The following CRACD variants were observed in gnomAD, a reference collection of about 807,000 sequenced individuals.
CRACD encodes the protein capping protein inhibiting regulator of actin dynamics, also known as capping protein-inhibiting regulator of actin dynamics.
A neutral mutation model predicts 106.8 loss-of-function variants in CRACD; 56 were observed. The ratio of observed to expected loss-of-function variants is 0.52; its 90% confidence interval spans 0.42 to 0.66. The LOEUF is 0.66. Among genes scored for constraint, CRACD ranks in the 30% least tolerant of loss-of-function variants. The pLI is 0.00. For synonymous variants in CRACD, 754 were observed against 670.8 expected (o/e 1.12, Z -1.92); for missense variants, 1,730 against 1,623.2 (o/e 1.07, Z -1.13).
chr4:56,257,000 A>G (rs560024787), intron 2 of CRACD, among the ~76,000 whole-genome samples: 1 of 152,300 alleles, frequency 6.6e-6, no homozygotes, highest in Middle Eastern at 3.4e-3. Context: ...CTTTGAGGCA[A>G]TAAGATACAT....
intron 1 of CRACD, among the ~76,000 whole-genome samples, chr4:56,082,213 C>T (rs1007425555): frequency 2.8e-4 from 43 of 152,076 alleles, no homozygotes; most frequent in African/African-American, 1.0e-3. Flanking sequence ...AAGGAACCAA[C>T]CATGCAGCAA....
At chr4:56,095,545 A>C (rs1733572724) in intron 1 of CRACD, among the ~76,000 whole-genome samples, 1 of 152,136 alleles carries the variant, frequency 6.6e-6, no homozygotes, top group South Asian at 2.1e-4. Context: ...GAGTGAACCA[A>C]GCTGAGGACA....
chr4:56,314,522 G>T lies in CRACD; in HGVS notation c.1020G>T (p.Arg340Ser), dbSNP rs768322101. Reference sequence around the variant, plus strand: ...GGCGGCGGCTGGAGGAGGACGCCAGGCTGGAGGAGCGGAGGCGGCAGGAGG... The same window carrying T: ...GGCGGCGGCTGGAGGAGGACGCCAGTCTGGAGGAGCGGAGGCGGCAGGAGG... ...EERRRLEEDA[R>S]LEERRRQEEE... Residue 340 changes from arginine to serine, a missense_variant, in exon 8 of 11, where the codon AGG (arginine) becomes AGT (serine). Physicochemically the swap from Arg to Ser is moderately radical, Grantham distance 110. Coordinates refer to ENST00000682029, the MANE Select transcript of CRACD (RefSeq NM_001393381.1). This position sits in a 1 kb window ranked among gnomAD's most constrained non-coding sequence, Gnocchi z 4.4. 113 of 1,513,016 alleles carry T rather than the reference G, an allele frequency of 7.5e-5. 1 individual carries two copies. In the African/African-American group the frequency reaches 1.5e-3, roughly 20 times the overall value. The allele number at this position is 1,513,016 out of a possible 1,614,324, so 93.7% of individuals were successfully genotyped here.
At chr4:56,240,979 T>C (rs1740335543) in intron 2 of CRACD, among the ~76,000 whole-genome samples, 2 of 152,176 alleles carry the variant, frequency 1.3e-5, no homozygotes, top group Non-Finnish European at 2.9e-5. Flanking sequence ...GCATGATGGA[T>C]GGGCCTGCAT....
chr4:56,112,694 G>C (rs1734158616), intron 1 of CRACD, among the ~76,000 whole-genome samples: 1 of 152,118 alleles, frequency 6.6e-6, no homozygotes, highest in East Asian at 1.9e-4. Flanking sequence ...AGTTTCTATG[G>C]GGTAGAAAAC....
At chr4:56,140,193 G>A (rs889344846) in intron 1 of CRACD, among the ~76,000 whole-genome samples, 3 of 152,110 alleles carry the variant, frequency 2.0e-5, no homozygotes, top group Admixed American at 6.6e-5. Context: ...GACTCTCCAC[G>A]GTTCACTTCA....
intron 1 of CRACD, among the ~76,000 whole-genome samples, chr4:56,143,988 C>T (rs956556706): frequency 6.6e-6 from 1 of 152,054 alleles, no homozygotes; most frequent in African/African-American, 2.4e-5. Context: ...AGAGGAGTCT[C>T]TGTTACAGAG....
intron 2 of CRACD, among the ~76,000 whole-genome samples, chr4:56,231,294 T>C (rs1739603985): frequency 6.6e-6 from 1 of 152,234 alleles, no homozygotes. Flanking sequence ...CAGCAATATG[T>C]ATCCAACACA....
At chr4:56,271,215 AG>A (rs1223652908) in intron 2 of CRACD, among the ~76,000 whole-genome samples, 1 of 152,148 alleles carries the variant, frequency 6.6e-6, no homozygotes. Flanking sequence ...TGCTTCTGGT[AG>A]AGGGTGACTT....
At chr4:56,146,585 G>A (rs1301733020) in intron 1 of CRACD, among the ~76,000 whole-genome samples, 2 of 122,504 alleles carry the variant, frequency 1.6e-5, no homozygotes, top group Non-Finnish European at 1.6e-5. Context: ...CCACCGCCAT[G>A]TATCTCTTTA....
In CRACD at chr4:56,179,745, CAG is replaced by C. The variant is rs372768828; in HGVS notation, c.-189+316_-189+317del. ...CAAAAATGTGGTTATCACCCGGGTG[CAG>C]TGGCTTGCACCTGTAATCCCAGCAC... On this transcript the variant is annotated intron_variant, in intron 2 of 10. Transcript: ENST00000682029. Among the ~76,000 whole-genome samples, 525 of 152,262 alleles carry C rather than the reference CAG, an allele frequency of 3.4e-3. 1 individual carries two copies. The highest frequency in any genetic ancestry group is 0.017 in the South Asian group (80 of 4,832).
chr4:56,320,558 G>C (rs190642585), intron 8 of CRACD, among the ~76,000 whole-genome samples: 1 of 152,316 alleles, frequency 6.6e-6, no homozygotes, highest in Admixed American at 6.5e-5. Flanking sequence ...CTCCTTCGGT[G>C]CTCACAGCAC....
intron 1 of CRACD, among the ~76,000 whole-genome samples, chr4:56,168,008 T>C (rs937145702): frequency 1.3e-5 from 2 of 152,256 alleles, no homozygotes; most frequent in Non-Finnish European, 1.5e-5. Flanking sequence ...ATGTTGTCTG[T>C]GTATAAAGAT....
intron 1 of CRACD, among the ~76,000 whole-genome samples, chr4:56,129,989 C>G (rs780906485): frequency 6.6e-6 from 1 of 152,136 alleles, no homozygotes; most frequent in South Asian, 2.1e-4. Context: ...AAAGCAGTAA[C>G]CAGGCCAGGC....
At chr4:56,260,226 T>C (rs1032881904) in intron 2 of CRACD, among the ~76,000 whole-genome samples, 1 of 152,242 alleles carries the variant, frequency 6.6e-6, no homozygotes, top group Non-Finnish European at 1.5e-5. Context: ...TATCCACTTA[T>C]CATCTAACAT....
chr4:56,075,859 C>T (rs769441774), intron 1 of CRACD, among the ~76,000 whole-genome samples: 1 of 152,142 alleles, frequency 6.6e-6, no homozygotes, highest in Non-Finnish European at 1.5e-5. Context: ...TGGGTTTACC[C>T]ACTGTAGTTA....
chr4:56,069,104 G>C (rs1196362546), intron 1 of CRACD, among the ~76,000 whole-genome samples: 1 of 152,144 alleles, frequency 6.6e-6, no homozygotes, highest in Non-Finnish European at 1.5e-5. Flanking sequence ...ATGTGGAAGA[G>C]GCAAGGAAGG....
At chr4:56,111,407 T>A (rs1286736730) in intron 1 of CRACD, among the ~76,000 whole-genome samples, 1 of 152,180 alleles carries the variant, frequency 6.6e-6, no homozygotes, top group Non-Finnish European at 1.5e-5. Flanking sequence ...ATGAGCCATA[T>A]AGAACTACTT....
rs1257496536 is a variant in CRACD, at chr4:56,263,646, C to T, written c.-188-8675C>T. Reference sequence around the variant, plus strand: ...ATTTAACCTAATTACCTTTTAAAGACTCTATCTCCAAATATTCGCATTCAG... The same window carrying T: ...ATTTAACCTAATTACCTTTTAAAGATTCTATCTCCAAATATTCGCATTCAG... On this transcript the variant is annotated intron_variant, in intron 2 of 10. Coordinates refer to ENST00000682029, the MANE Select transcript of CRACD (RefSeq NM_001393381.1). Among the ~76,000 whole-genome samples, 7 of 152,186 alleles carry T rather than the reference C, an allele frequency of 4.6e-5. No homozygotes were observed. The South Asian group carries it at 1.2e-3, about 27-fold the overall frequency.
Sources: allele counts gnomAD v4.1 joint callset (sites outside exome capture counted in the v4.1 genomes callset), GRCh38; gene constraint gnomAD v4.1.1; non-coding constraint Gnocchi (gnomAD v3.1); transcripts MANE v1.5; gene names NCBI Gene and HGNC (gene_info 2026-07-23, HGNC 2026-07-21).